Variants in RARB observed in about 807,000 individuals in gnomAD.
The protein encoded by RARB is HBV-activated protein.
Under a neutral mutation model 51.9 loss-of-function variants are expected in RARB, and 17 were observed. The observed-to-expected ratio is 0.33, with a 90% CI of 0.22 to 0.49. The LOEUF (loss-of-function observed/expected upper bound fraction) is 0.49, where lower values mean the gene tolerates loss of function less well. Ranked by LOEUF, RARB falls within the 20% of genes least tolerant of loss-of-function variation. The pLI is 0.99. For synonymous variants in RARB, 215 were observed against 195.4 expected, an observed-to-expected ratio of 1.10 and a Z score of -0.84; for missense variants, 369 against 550.8, an observed-to-expected ratio of 0.67 and a Z score of 3.30.
At chr3:25,482,840 C>T (rs1362533996) in intron 2 of RARB, among the ~76,000 whole-genome samples, 1 of 152,060 alleles carries the variant, frequency 6.6e-6, no homozygotes, top group African/African-American at 2.4e-5. Flanking sequence ...GCCTAGCCCT[C>T]TAGCTGCCAC....
At chr3:25,571,877 C>CA (rs1352396177) in intron 4 of RARB, among the ~76,000 whole-genome samples, 1 of 152,232 alleles carries the variant, frequency 6.6e-6, no homozygotes, top group Non-Finnish European at 1.5e-5. Flanking sequence ...ATCATCCAGA[C>CA]ACGTACCTTC....
chr3:24,904,457 A>G (rs1158974273), intron 2 of RARB, among the ~76,000 whole-genome samples: 1 of 152,214 alleles, frequency 6.6e-6, no homozygotes, highest in African/African-American at 2.4e-5. Flanking sequence ...CAAAACCACA[A>G]TGAGATACCA....
intron 5 of RARB, chr3:25,174,707 A>G (rs925313908): frequency 1.2e-5 from 11 of 906,958 alleles, no homozygotes; most frequent in Non-Finnish European, 1.5e-5. Context: ...CTTGAATTCT[A>G]CTTTTAGTTC....
chr3:25,546,915 T>C (rs567931017), intron 3 of RARB, among the ~76,000 whole-genome samples: 2 of 152,338 alleles, frequency 1.3e-5, no homozygotes, highest in East Asian at 3.9e-4. Context: ...TTTGAAAAGA[T>C]TGTTTTAATG....
chr3:25,376,882 C>G lies in RARB; in HGVS notation c.179-84311C>G, dbSNP rs2125476136. On this transcript the variant is annotated intron_variant, in intron 5 of 11. Transcript: ENST00000383772. ...GGTGTCCTCTGTTAGGCACAGGTCC[C>G]ATTTCTAACCCCCTATGTCTCCTGG... 1.3e-5 allele frequency among the ~76,000 whole-genome samples: 2 copies of G among 152,304 alleles called. 1 individual carries two copies. The highest frequency in any genetic ancestry group is 4.1e-4 in the South Asian group (2 of 4,826).
At chr3:25,090,602 G>A (rs931207055) in intron 3 of RARB, among the ~76,000 whole-genome samples, 1 of 152,056 alleles carries the variant, frequency 6.6e-6, no homozygotes. Flanking sequence ...CTTGGGGAAC[G>A]AAATTTTTCA....
chr3:25,343,283 A>G (rs961829404), intron 5 of RARB, among the ~76,000 whole-genome samples: 4 of 152,088 alleles, frequency 2.6e-5, no homozygotes, highest in Non-Finnish European at 4.4e-5. Context: ...TGTTGCTCTC[A>G]GTTTCTCTGG....
intron 3 of RARB, among the ~76,000 whole-genome samples, chr3:25,111,099 C>T (rs116140873): frequency 0.017 from 2,576 of 152,122 alleles, 62 homozygotes; most frequent in African/African-American, 0.057. Flanking sequence ...AATACTTGTA[C>T]GGCTATGACA....
intron 5 of RARB, among the ~76,000 whole-genome samples, chr3:25,194,508 T>C (rs1022709916): frequency 2.0e-5 from 3 of 150,512 alleles, no homozygotes; most frequent in Admixed American, 1.3e-4. Context: ...CACATAGTGA[T>C]ATATATATGT....
At chr3:25,345,292 CA>C (rs546166339) in intron 5 of RARB, among the ~76,000 whole-genome samples, 177 of 152,252 alleles carry the variant, frequency 1.2e-3, no homozygotes, top group African/African-American at 3.9e-3. Context: ...GGCTGCTGAG[CA>C]GAAATTCATA....
chr3:24,929,690 T>C (rs527878211), intron 2 of RARB, among the ~76,000 whole-genome samples: 80 of 152,208 alleles, frequency 5.3e-4, no homozygotes, highest in African/African-American at 1.8e-3. Context: ...TAAATTCTTA[T>C]TCCTCTCTAC....
At chr3:25,439,653 G>T (rs551036561) in intron 1 of RARB, among the ~76,000 whole-genome samples, 1 of 152,126 alleles carries the variant, frequency 6.6e-6, no homozygotes, top group South Asian at 2.1e-4. Context: ...TTGCCTTGGC[G>T]TGTCAAAGTG....
intron 2 of RARB, among the ~76,000 whole-genome samples, chr3:25,499,326 C>T (rs866264412): frequency 4.6e-5 from 7 of 152,284 alleles, no homozygotes; most frequent in African/African-American, 1.7e-4. Context: ...AGTAGTTTCT[C>T]GTGTAGGTAT....
intron 3 of RARB, among the ~76,000 whole-genome samples, chr3:25,123,996 A>G (rs1265941275): frequency 6.6e-6 from 1 of 152,166 alleles, no homozygotes; most frequent in Non-Finnish European, 1.5e-5. Flanking sequence ...TACACCCCTT[A>G]GTAAAGGGAA....
intron 5 of RARB, among the ~76,000 whole-genome samples, chr3:25,330,216 G>C (rs1267466409): frequency 6.6e-6 from 1 of 152,054 alleles, no homozygotes; most frequent in African/African-American, 2.4e-5. Flanking sequence ...ATAATTGTCA[G>C]ATTCACAAAG....
chr3:25,037,084 A>G (rs78145728), intron 2 of RARB, among the ~76,000 whole-genome samples: 1 of 152,268 alleles, frequency 6.6e-6, no homozygotes, highest in African/African-American at 2.4e-5. Context: ...TCCAAATTCA[A>G]CAAAACTGAC....
intron 5 of RARB, among the ~76,000 whole-genome samples, chr3:25,372,861 A>T (rs572166298): frequency 5.9e-5 from 9 of 152,260 alleles, no homozygotes; most frequent in South Asian, 2.1e-4. Context: ...AACTTAAAAA[A>T]TTTTTTTTAA....
chr3:25,558,908 A>G (rs781122420), intron 3 of RARB, among the ~76,000 whole-genome samples: 1 of 151,908 alleles, frequency 6.6e-6, no homozygotes, highest in African/African-American at 2.4e-5. Flanking sequence ...GTGATTCACT[A>G]TATCTCCCCA....
At chr3:25,339,550 A>G (rs945279641) in intron 5 of RARB, among the ~76,000 whole-genome samples, 5 of 151,168 alleles carry the variant, frequency 3.3e-5, no homozygotes, top group Admixed American at 2.7e-4. Context: ...TTGTTTCTCA[A>G]TTAAATTCCA....
Sources: allele counts gnomAD v4.1 joint callset (sites outside exome capture counted in the v4.1 genomes callset), GRCh38; gene constraint gnomAD v4.1.1; transcripts MANE v1.5; gene names NCBI Gene and HGNC (gene_info 2026-07-23, HGNC 2026-07-21).